Variants in ZC3H12B observed in about 807,000 individuals in gnomAD.
ZC3H12B encodes probable ribonuclease ZC3H12B.
Under a neutral mutation model 43.9 loss-of-function variants are expected in ZC3H12B, and 7 were observed. The ratio of observed to expected loss-of-function variants is 0.16; its 90% CI spans 0.09 to 0.30. The LOEUF (loss-of-function observed/expected upper bound fraction) is 0.30, where lower values mean the gene tolerates loss of function less well. Ranked by LOEUF, ZC3H12B falls within the 10% of genes least tolerant of loss-of-function variation. The pLI, the probability that ZC3H12B is intolerant of heterozygous loss-of-function variation, is 1.00. For missense variants in ZC3H12B, 475 were observed against 670.2 expected (o/e 0.71, Z 3.22); for synonymous variants, 222 against 241.7 (o/e 0.92, Z 0.76).
chrX:65,094,144 A>G, the ZC3H12B span, among the ~76,000 whole-genome samples: 236 of 106,629 alleles, frequency 2.2e-3, 2 homozygotes, highest in Non-Finnish European at 6.0e-4. Flanking sequence ...AGAGGTGCCC[A>G]CTCCCCCTTT....
chrX:65,178,615 C>T, the ZC3H12B span, among the ~76,000 whole-genome samples: 3 of 112,563 alleles, frequency 2.7e-5, no homozygotes, highest in East Asian at 5.6e-4. Context: ...TGAACAGACA[C>T]TTCTCAAAAT....
the ZC3H12B span, among the ~76,000 whole-genome samples, chrX:65,135,537 A>T: frequency 2.8e-5 from 3 of 108,372 alleles, no homozygotes; most frequent in South Asian, 1.2e-3. Context: ...GATATATTTG[A>T]GCTTATTTTT....
the ZC3H12B span, among the ~76,000 whole-genome samples, chrX:65,267,623 A>G: frequency 3.6e-5 from 4 of 111,710 alleles, no homozygotes; most frequent in East Asian, 1.1e-3. Flanking sequence ...AACTCTAAAT[A>G]TAACCACCAG....
the ZC3H12B span, among the ~76,000 whole-genome samples, chrX:65,233,234 A>G: frequency 1.8e-5 from 2 of 111,967 alleles, no homozygotes; most frequent in African/African-American, 3.2e-5. Flanking sequence ...AATCTGGAGT[A>G]TAGACCAAAT....
chrX:65,116,652 G>A, the ZC3H12B span, among the ~76,000 whole-genome samples: 1 of 109,769 alleles, frequency 9.1e-6, no homozygotes, highest in Non-Finnish European at 1.9e-5. Context: ...TGCCATGTTG[G>A]TGTGCTACAC....
the ZC3H12B span, among the ~76,000 whole-genome samples, chrX:65,047,892 A>G: frequency 9.0e-6 from 1 of 110,608 alleles, no homozygotes; most frequent in African/African-American, 3.3e-5. Flanking sequence ...AATTATTCAT[A>G]TGTTGGGGCT....
At chrX:65,449,905 TTACAC>T (rs1289312551) in intron 3 of ZC3H12B, among the ~76,000 whole-genome samples, 1 of 111,198 alleles carries the variant, frequency 9.0e-6, no homozygotes, top group African/African-American at 3.3e-5. Context: ...TGGGTTCAAT[TTACAC>T]TACTCAGGTG....
At chrX:65,077,254 A>T in the ZC3H12B span, among the ~76,000 whole-genome samples, 4 of 111,831 alleles carry the variant, frequency 3.6e-5, no homozygotes, top group Non-Finnish European at 5.6e-5. Context: ...GAGCCACCTT[A>T]TCCTGCAGGG....
chrX:65,142,452 G>T, the ZC3H12B span, among the ~76,000 whole-genome samples: 4 of 112,139 alleles, frequency 3.6e-5, no homozygotes, highest in Non-Finnish European at 7.5e-5. Flanking sequence ...CACTCTACAG[G>T]TTGTCTGTTT....
the ZC3H12B span, among the ~76,000 whole-genome samples, chrX:65,158,234 C>T: frequency 1.8e-5 from 2 of 110,336 alleles, no homozygotes; most frequent in South Asian, 3.9e-4. Flanking sequence ...AATAAACATA[C>T]GTGTGTATGT....
At chrX:65,049,480 C>T in the ZC3H12B span, among the ~76,000 whole-genome samples, 1 of 111,293 alleles carries the variant, frequency 9.0e-6, no homozygotes, top group Non-Finnish European at 1.9e-5. Flanking sequence ...CATTTGACTG[C>T]ATGTGTGTGC....
the ZC3H12B span, among the ~76,000 whole-genome samples, chrX:65,084,457 G>T: frequency 0.013 from 1,404 of 111,944 alleles, 20 homozygotes; most frequent in African/African-American, 0.044. Flanking sequence ...TATTTTAATA[G>T]GCATTTCTTA....
At chrX:65,154,257 A>T in the ZC3H12B span, among the ~76,000 whole-genome samples, 1 of 111,214 alleles carries the variant, frequency 9.0e-6, no homozygotes, top group African/African-American at 3.3e-5. Context: ...AAAATAAATT[A>T]AAAAAAATTT....
At chrX:65,139,112 A>G in the ZC3H12B span, among the ~76,000 whole-genome samples, 10 of 112,232 alleles carry the variant, frequency 8.9e-5, no homozygotes, top group African/African-American at 2.9e-4. Context: ...TCATTTGTCT[A>G]CTTTGTTTTT....
chrX:65,388,136 G>A (rs773639257), intron 2 of ZC3H12B, among the ~76,000 whole-genome samples: 1 of 111,106 alleles, frequency 9.0e-6, no homozygotes, highest in East Asian at 2.8e-4. Flanking sequence ...TGCTCTTCTC[G>A]AGGAGTATCT....
the ZC3H12B span, among the ~76,000 whole-genome samples, chrX:65,170,710 T>A: frequency 8.9e-6 from 1 of 111,838 alleles, no homozygotes; most frequent in East Asian, 2.8e-4. Context: ...TAGTCCCATA[T>A]TTCTTGGAGG....
At chrX:65,282,431 A>G in the ZC3H12B span, among the ~76,000 whole-genome samples, 2 of 112,310 alleles carry the variant, frequency 1.8e-5, no homozygotes, top group Non-Finnish European at 3.8e-5. Flanking sequence ...AGCCAGAGCA[A>G]TAAGGCAACG....
the ZC3H12B span, among the ~76,000 whole-genome samples, chrX:65,066,034 A>T: frequency 9.2e-6 from 1 of 108,330 alleles, no homozygotes; most frequent in African/African-American, 3.4e-5. Context: ...TCTAGTTAGC[A>T]GCTCCTGTAA....
At chrX:65,055,372 A>G in the ZC3H12B span, among the ~76,000 whole-genome samples, 1 of 111,917 alleles carries the variant, frequency 8.9e-6, no homozygotes, top group Non-Finnish European at 1.9e-5. Flanking sequence ...GGTTCTGTTT[A>G]TATGCTGGAT....
Sources: gnomAD v4.1 joint callset for allele counts (sites outside exome capture counted in the v4.1 genomes callset) on GRCh38, gnomAD v4.1.1 for gene constraint, MANE v1.5 for transcripts, NCBI Gene and HGNC (gene_info 2026-07-23, HGNC 2026-07-21) for gene names.